Variants in CADM2 observed in about 807,000 individuals in gnomAD.
The protein encoded by CADM2 is cell adhesion molecule 2, also known as immunoglobulin superfamily member 4D.
In CADM2, 12 loss-of-function variants were observed where a neutral mutation model predicts 49.8. The observed-to-expected ratio is 0.24, with a 90% confidence interval of 0.15 to 0.39. The LOEUF (loss-of-function observed/expected upper bound fraction) is 0.39. Ranked by LOEUF, CADM2 falls within the 10% of genes least tolerant of loss-of-function variation. The pLI, the probability that CADM2 is intolerant of heterozygous loss-of-function variation, is 1.00. For missense variants in CADM2, 378 were observed against 492.3 expected (o/e 0.77, Z 2.20); for synonymous variants, 214 against 175.4 (o/e 1.22, Z -1.74).
intron 1 of CADM2, among the ~76,000 whole-genome samples, chr3:85,284,873 T>C (rs1405388168): frequency 6.6e-6 from 1 of 151,914 alleles, no homozygotes; most frequent in African/African-American, 2.4e-5. Flanking sequence ...AAAAAAGATC[T>C]GGCAAGTTGT....
At chr3:85,300,589 T>A (rs1467517401) in intron 1 of CADM2, among the ~76,000 whole-genome samples, 1 of 152,074 alleles carries the variant, frequency 6.6e-6, no homozygotes. Context: ...AACTAATCAG[T>A]GTCGGGGAAT....
chr3:85,906,815 T>C (rs1005314137), intron 5 of CADM2, among the ~76,000 whole-genome samples: 2 of 152,228 alleles, frequency 1.3e-5, no homozygotes, highest in African/African-American at 2.4e-5. Context: ...AAAGCTTTGC[T>C]TGAACATTAA....
chr3:85,973,157 A>T (rs1277430276), intron 8 of CADM2, among the ~76,000 whole-genome samples: 2 of 151,750 alleles, frequency 1.3e-5, no homozygotes. Context: ...TAAGAATGAT[A>T]CTATTGCCTA....
At chr3:85,540,773 T>A (rs938229425) in intron 1 of CADM2, among the ~76,000 whole-genome samples, 6 of 152,098 alleles carry the variant, frequency 3.9e-5, no homozygotes, top group Admixed American at 2.6e-4. Context: ...ACAACAGAAT[T>A]TACTTTTCTA....
At chr3:85,898,573 CT>C (rs199547014) in intron 5 of CADM2, among the ~76,000 whole-genome samples, 7,479 of 142,132 alleles carry the variant, frequency 0.053, 336 homozygotes, top group East Asian at 0.24. Flanking sequence ...ACATATCTTT[CT>C]TTTTTTTTTT....
chr3:85,207,493 G>A (rs80321299), intron 1 of CADM2, among the ~76,000 whole-genome samples: 1,699 of 152,002 alleles, frequency 0.011, 15 homozygotes, highest in Middle Eastern at 0.027. Flanking sequence ...TTTCATATCA[G>A]TTGCCATAGT....
chr3:85,091,668 G>A (rs2037602939), intron 1 of CADM2, among the ~76,000 whole-genome samples: 2 of 152,096 alleles, frequency 1.3e-5, no homozygotes, highest in Admixed American at 1.3e-4. Context: ...GATTTAAATT[G>A]AGAAATATCT....
At chr3:85,129,764 C>A (rs1434100446) in intron 1 of CADM2, among the ~76,000 whole-genome samples, 1 of 152,196 alleles carries the variant, frequency 6.6e-6, no homozygotes, top group Non-Finnish European at 1.5e-5. Flanking sequence ...TGTGATCCCA[C>A]ACTTTACGTA....
chr3:85,237,006 A>G (rs2042422298), intron 1 of CADM2, among the ~76,000 whole-genome samples: 1 of 152,064 alleles, frequency 6.6e-6, no homozygotes, highest in Admixed American at 6.6e-5. Flanking sequence ...ATGAATAACA[A>G]TAATTGTGGA....
At chr3:85,947,973 A>G (rs1368526105) in intron 7 of CADM2, among the ~76,000 whole-genome samples, 3 of 151,466 alleles carry the variant, frequency 2.0e-5, no homozygotes, top group Admixed American at 6.6e-5. Flanking sequence ...TCACTGGAAA[A>G]CCCTAAACCA....
chr3:85,225,392 G>C (rs2042135540), intron 1 of CADM2, among the ~76,000 whole-genome samples: 1 of 152,012 alleles, frequency 6.6e-6, no homozygotes. Context: ...TCATTATTTG[G>C]CTCTCTGTTA....
At chr3:85,836,264 A>G (rs1366486526) in intron 3 of CADM2, among the ~76,000 whole-genome samples, 1 of 151,532 alleles carries the variant, frequency 6.6e-6, no homozygotes, top group African/African-American at 2.4e-5. Flanking sequence ...AGAGTTCTGG[A>G]AAAAAGCCCA....
At chr3:85,254,248 G>A (rs1206277443) in intron 1 of CADM2, among the ~76,000 whole-genome samples, 1 of 152,100 alleles carries the variant, frequency 6.6e-6, no homozygotes, top group East Asian at 1.9e-4. Flanking sequence ...TTAAAGGAAT[G>A]TGGGAAGGGG....
At chr3:84,986,766 A>T (rs921895536) in intron 1 of CADM2, among the ~76,000 whole-genome samples, 2 of 144,570 alleles carry the variant, frequency 1.4e-5, no homozygotes, top group African/African-American at 5.2e-5. Context: ...TAATAAAATA[A>T]AAAAAAAAGA....
intron 1 of CADM2, among the ~76,000 whole-genome samples, chr3:85,030,612 A>T (rs1278845750): frequency 1.3e-5 from 2 of 152,150 alleles, no homozygotes; most frequent in Non-Finnish European, 2.9e-5. Flanking sequence ...AACCTGTCAA[A>T]CAGGATATTC....
intron 1 of CADM2, among the ~76,000 whole-genome samples, chr3:85,263,505 A>T (rs976076914): frequency 4.2e-4 from 64 of 152,138 alleles, no homozygotes; most frequent in African/African-American, 1.5e-3. Flanking sequence ...TCTTTATTTT[A>T]GAGTTGAGAA....
intron 1 of CADM2, among the ~76,000 whole-genome samples, chr3:85,504,672 C>G (rs987928478): frequency 6.6e-6 from 1 of 152,230 alleles, no homozygotes; most frequent in South Asian, 2.1e-4. Flanking sequence ...GCGCCGTGCG[C>G]CCGCACTCCG....
chr3:85,772,008 C>CTTTTTTTT (rs397938377), intron 2 of CADM2, among the ~76,000 whole-genome samples: 143 of 112,044 alleles, frequency 1.3e-3, no homozygotes, highest in Non-Finnish European at 1.6e-3. Context: ...TTCTTTCTTT[C>CTTTTTTTT]TTTTTTTTTT....
chr3:86,041,597 C>A (rs911896203), intron 8 of CADM2, among the ~76,000 whole-genome samples: 3 of 152,036 alleles, frequency 2.0e-5, no homozygotes, highest in Non-Finnish European at 4.4e-5. Context: ...CCTTAGAGAC[C>A]CACAAAGAGA....
Sources: allele counts gnomAD v4.1 joint callset (sites outside exome capture counted in the v4.1 genomes callset), GRCh38; gene constraint gnomAD v4.1.1; transcripts MANE v1.5; gene names NCBI Gene and HGNC (gene_info 2026-07-23, HGNC 2026-07-21).